Variants in RBFOX1 observed in about 807,000 individuals in gnomAD.
The protein encoded by RBFOX1 is RNA binding protein fox-1 homolog 1.
A neutral mutation model predicts 57.7 loss-of-function variants in RBFOX1; 8 were observed. That is an observed-to-expected ratio of 0.14 (90% CI 0.08 to 0.25). The LOEUF (loss-of-function observed/expected upper bound fraction) is 0.25. Among genes scored for constraint, RBFOX1 ranks in the 10% least tolerant of loss-of-function variants. RBFOX1 has a pLI of 1.00. For synonymous variants in RBFOX1, 326 were observed against 222.4 expected (o/e 1.47, Z -4.15); for missense variants, 611 against 548.5 (o/e 1.11, Z -1.14).
chr16:5,328,668 C>A (rs192915469), intron 1 of RBFOX1, among the ~76,000 whole-genome samples: 36 of 152,328 alleles, frequency 2.4e-4, no homozygotes, highest in African/African-American at 8.2e-4. Context: ...TCCAGCCCTG[C>A]CATACCCTTT....
intron 3 of RBFOX1, among the ~76,000 whole-genome samples, chr16:7,007,568 C>G (rs2093373087): frequency 6.6e-6 from 1 of 152,162 alleles, no homozygotes; most frequent in African/African-American, 2.4e-5. Context: ...GCCTACTGTA[C>G]ATTGTTAAAC....
At chr16:6,499,712 C>T (rs1025259685) in intron 2 of RBFOX1, among the ~76,000 whole-genome samples, 1 of 151,856 alleles carries the variant, frequency 6.6e-6, no homozygotes, top group African/African-American at 2.4e-5. Context: ...TGGTTTTCCC[C>T]CTGATTTATT....
intron 4 of RBFOX1, among the ~76,000 whole-genome samples, chr16:7,510,487 C>CTGTGTG (rs59583874): frequency 0.069 from 10,307 of 149,574 alleles, 427 homozygotes; most frequent in East Asian, 0.15. Flanking sequence ...GTATGTGTGT[C>CTGTGTG]TGTGTGTGTG....
intron 1 of RBFOX1, among the ~76,000 whole-genome samples, chr16:5,364,616 C>T (rs2065654795): frequency 6.6e-6 from 1 of 152,210 alleles, no homozygotes. Context: ...GAATTTTTTA[C>T]ATTCTGCTTT....
chr16:5,415,941 T>C (rs2067148947), intron 1 of RBFOX1, among the ~76,000 whole-genome samples: 1 of 152,160 alleles, frequency 6.6e-6, no homozygotes, highest in Admixed American at 6.5e-5. Context: ...TCCCTCTGCA[T>C]GTGTGTGGAC....
intron 3 of RBFOX1, among the ~76,000 whole-genome samples, chr16:6,985,336 T>C (rs913899505): frequency 3.3e-5 from 5 of 152,212 alleles, no homozygotes; most frequent in Admixed American, 6.5e-5. Context: ...GGTTAACTTA[T>C]GCTGCACACA....
chr16:6,879,810 G>A (rs547790529), intron 3 of RBFOX1, among the ~76,000 whole-genome samples: 4 of 152,162 alleles, frequency 2.6e-5, no homozygotes, highest in Non-Finnish European at 5.9e-5. Context: ...CATTTTTGAT[G>A]TTCTATTTAT....
At chr16:6,258,226 A>G (rs2152621413) in intron 1 of RBFOX1, among the ~76,000 whole-genome samples, 1 of 152,330 alleles carries the variant, frequency 6.6e-6, no homozygotes, top group South Asian at 2.1e-4. Flanking sequence ...TTTGGAAAGA[A>G]AAATGCTGAT....
rs147490026 is a variant in RBFOX1 at position 6,255,071 on chromosome 16, A to G, written c.-126-61924A>G. ...TGTCATTCTTAAAGTTCAGCATCACATATGTCCGCGGACCTGTTTTTCAGC... is the reference window on the plus strand; with the variant it reads ...TGTCATTCTTAAAGTTCAGCATCACGTATGTCCGCGGACCTGTTTTTCAGC... On this transcript the variant is annotated intron_variant, in intron 1 of 15. Transcript: ENST00000550418. Among the ~76,000 whole-genome samples, 467 of 152,208 alleles carry G rather than the reference A, an allele frequency of 3.1e-3. 2 individuals carry two copies. Among genetic ancestry groups the G allele is most frequent in the South Asian group, 0.01 (49 of 4,816 alleles).
intron 3 of RBFOX1, among the ~76,000 whole-genome samples, chr16:6,840,828 G>T (rs1328127549): frequency 6.7e-6 from 1 of 150,020 alleles, no homozygotes; most frequent in Non-Finnish European, 1.5e-5. Flanking sequence ...TGGAGGTTGT[G>T]GTGAGCTGAG....
intron 1 of RBFOX1, among the ~76,000 whole-genome samples, chr16:6,195,232 CT>C (rs2097172152): frequency 6.6e-6 from 1 of 152,144 alleles, no homozygotes; most frequent in Non-Finnish European, 1.5e-5. Context: ...TTTCTTTCAT[CT>C]TGGCAATGTT....
chr16:7,344,874 C>T (rs569341802), intron 4 of RBFOX1, among the ~76,000 whole-genome samples: 59 of 152,304 alleles, frequency 3.9e-4, no homozygotes, highest in Admixed American at 2.0e-3. Context: ...GTCTCTTGCC[C>T]GTACAACCGA....
At chr16:7,108,311 C>T (rs1022400124) in intron 4 of RBFOX1, among the ~76,000 whole-genome samples, 1 of 150,758 alleles carries the variant, frequency 6.6e-6, no homozygotes, top group Non-Finnish European at 1.5e-5. Context: ...CATTAACAAA[C>T]AAGAACTTCT....
chr16:6,593,085 G>A (rs1372493204), intron 2 of RBFOX1, among the ~76,000 whole-genome samples: 2 of 152,166 alleles, frequency 1.3e-5, no homozygotes, highest in Non-Finnish European at 2.9e-5. Flanking sequence ...CCAGCTACTT[G>A]GGATGCTGAG....
chr16:5,997,279 C>T (rs972909495), intron 4 of RBFOX1, among the ~76,000 whole-genome samples: 2 of 152,234 alleles, frequency 1.3e-5, no homozygotes, highest in Non-Finnish European at 2.9e-5. Flanking sequence ...TGGACCTCTA[C>T]AGTTAAGGAG....
At chr16:6,849,024 C>G (rs2093921076) in intron 3 of RBFOX1, among the ~76,000 whole-genome samples, 1 of 152,184 alleles carries the variant, frequency 6.6e-6, no homozygotes, top group Admixed American at 6.5e-5. Flanking sequence ...CCACCATTGG[C>G]CAGGCTTACG....
chr16:6,628,052 C>G (rs2041667), intron 2 of RBFOX1, among the ~76,000 whole-genome samples: 96,040 of 152,020 alleles, frequency 0.63, 31,031 homozygotes, highest in South Asian at 0.8. Context: ...GGTCACTGAG[C>G]GTGAATGTCC....
intron 4 of RBFOX1, among the ~76,000 whole-genome samples, chr16:7,303,762 T>G (rs1389402110): frequency 2.6e-5 from 3 of 117,580 alleles, no homozygotes; most frequent in African/African-American, 6.3e-5. Context: ...TCCCTCTCGC[T>G]CTCTCTCTCT....
chr16:5,365,812 A>T, intron 1 of RBFOX1: 2 of 516,880 alleles, frequency 3.9e-6, no homozygotes, highest in East Asian at 1.1e-4. Context: ...GATTCAGTGG[A>T]CATGGACATG....
Sources: gnomAD v4.1 joint callset for allele counts (sites outside exome capture counted in the v4.1 genomes callset) on GRCh38, gnomAD v4.1.1 for gene constraint, MANE v1.5 for transcripts, NCBI Gene and HGNC (gene_info 2026-07-23, HGNC 2026-07-21) for gene names.